The following UBE2W variants were observed in gnomAD, a reference collection of about 807,000 sequenced individuals.
UBE2W encodes the protein ubiquitin conjugating enzyme E2 W, also known as ubiquitin-conjugating enzyme E2 W.
UBE2W carries 18 observed loss-of-function variants against 27.2 expected under a neutral mutation model. That is an observed-to-expected ratio of 0.66 (90% confidence interval 0.46 to 0.98). UBE2W has a LOEUF of 0.98. UBE2W is among the 50% of genes least tolerant of loss of function. UBE2W has a pLI of 0.00. For synonymous variants in UBE2W, 53 were observed against 57.2 expected (o/e 0.93, Z 0.33); for missense variants, 90 against 180.2 (o/e 0.50, Z 2.87).
chr8:73,843,135 G>C (rs1810616480), intron 1 of UBE2W, among the ~76,000 whole-genome samples: 1 of 152,192 alleles, frequency 6.6e-6, no homozygotes, highest in South Asian at 2.1e-4. Context: ...CAAATCTGTA[G>C]AGATGGAAGG....
rs1423398532 is a variant in UBE2W at position 73,793,993 on chromosome 8, T to G, written c.*109A>C. 1 of 1,542,156 alleles carries G rather than the reference T, an allele frequency of 6.5e-7. No homozygotes were observed. The highest frequency in any genetic ancestry group is 8.7e-7 in the Non-Finnish European group (1 of 1,145,738). ...ATGCAGTAAAAGGAAGTAGTCTTCA[T>G]TGCCTATAGGTCACTTCCAGTCAAA... is the stretch of plus-strand genomic sequence containing the variant. On this transcript the variant is annotated 3_prime_UTR_variant, in exon 6 of 6. Coordinates refer to ENST00000602593, the MANE Select transcript of UBE2W (RefSeq NM_018299.6).
At chr8:73,802,126 GT>G (rs1014621140) in intron 5 of UBE2W, among the ~76,000 whole-genome samples, 9 of 152,194 alleles carry the variant, frequency 5.9e-5, no homozygotes, top group Non-Finnish European at 1.3e-4. Flanking sequence ...ATTCTCTGAA[GT>G]TTAATAACTA....
At chr8:73,867,709 C>T (rs374806699) in intron 1 of UBE2W, among the ~76,000 whole-genome samples, 5 of 75,970 alleles carry the variant, frequency 6.6e-5, no homozygotes, top group African/African-American at 2.3e-4. Flanking sequence ...GAGGCTCTGT[C>T]TCAGAAAAAA....
intron 1 of UBE2W, among the ~76,000 whole-genome samples, chr8:73,865,858 A>G (rs1811733183): frequency 6.6e-6 from 1 of 152,192 alleles, no homozygotes; most frequent in Non-Finnish European, 1.5e-5. Flanking sequence ...TATTTAAAGA[A>G]AAGGCAAGGT....
intron 1 of UBE2W, among the ~76,000 whole-genome samples, chr8:73,832,136 A>AATATATAT (rs111764105): frequency 1.9e-4 from 27 of 145,348 alleles, no homozygotes; most frequent in African/African-American, 5.0e-4. Flanking sequence ...AAAATAAATA[A>AATATATAT]ATATATATAT....
intron 5 of UBE2W, among the ~76,000 whole-genome samples, chr8:73,799,187 TAA>T (rs994197917): frequency 6.6e-6 from 1 of 151,992 alleles, no homozygotes; most frequent in African/African-American, 2.4e-5. Flanking sequence ...CTCTAAACAC[TAA>T]TGAGGTGACT....
chr8:73,787,190 C>T lies in UBE2W; in HGVS notation c.*6912G>A, dbSNP rs1437954488. The T allele has an allele frequency of 3.0e-6, 3 of 985,278 alleles. No homozygotes were observed. The highest frequency in any genetic ancestry group is 3.6e-6 in the Non-Finnish European group (3 of 829,928). 61.0% of individuals were successfully genotyped at this position (985,278 alleles called of 1,614,324 possible). ...TAAAAAAATGGTTGAAAGGGGCTCC[C>T]AACAGGACAGATAACCACAGTGGCT... On this transcript the variant is annotated 3_prime_UTR_variant, in exon 6 of 6. Transcript: ENST00000602593.
chr8:73,790,635 A>G lies in UBE2W; in HGVS notation c.*3467T>C, dbSNP rs368121086. The G allele has an allele frequency of 3.0e-6, 3 of 984,662 alleles. No individual in the cohort carries two copies. In the South Asian group the frequency reaches 1.4e-4, roughly 46 times the overall value. 61.0% of individuals were successfully genotyped at this position (984,662 alleles called of 1,614,324 possible). The stretch of plus-strand genomic sequence containing the variant: ...ACTAGTGACACTGAATTCTTTATTT[A>G]AAAAAATTTTTGTAACACACAGTAC... On this transcript the variant is annotated 3_prime_UTR_variant, in exon 6 of 6. Coordinates refer to ENST00000602593, the MANE Select transcript of UBE2W (RefSeq NM_018299.6).
intron 5 of UBE2W, among the ~76,000 whole-genome samples, chr8:73,794,533 AG>A (rs1808333027): frequency 6.6e-6 from 1 of 152,240 alleles, no homozygotes; most frequent in South Asian, 2.1e-4. Context: ...TAGACTGTGA[AG>A]GAAGTAACTG....
intron 1 of UBE2W, among the ~76,000 whole-genome samples, chr8:73,875,996 G>A (rs1812204105): frequency 6.6e-6 from 1 of 152,064 alleles, no homozygotes; most frequent in Non-Finnish European, 1.5e-5. Flanking sequence ...AGGTTGCAGT[G>A]AGCCAAGATG....
chr8:73,861,363 C>CTTAAAATTATTG (rs1811527127), intron 1 of UBE2W, among the ~76,000 whole-genome samples: 1 of 152,106 alleles, frequency 6.6e-6, no homozygotes, highest in Admixed American at 6.6e-5. Flanking sequence ...ATAATAATGA[C>CTTAAAATTATTG]CCCAATGAAG....
downstream of UBE2W, among the ~76,000 whole-genome samples, chr8:73,782,253 GT>G (rs544672484): frequency 8.8e-5 from 13 of 148,412 alleles, no homozygotes; most frequent in South Asian, 6.4e-4. Flanking sequence ...GGCCAATTGT[GT>G]TTTTTTTTTA....
At chr8:73,781,586 A>G (rs924996167), downstream of UBE2W, among the ~76,000 whole-genome samples, 1 of 148,200 alleles carries the variant, frequency 6.7e-6, no homozygotes, top group Non-Finnish European at 1.5e-5. Flanking sequence ...GACTTTCAGC[A>G]TGGATTTTGG....
rs1010397837 is a variant in UBE2W at position 73,786,283 on chromosome 8, G to A, written c.*7819C>T. ...AAACTCTCTGGGATAGAAAGAGCAG[G>A]GTCCTGTTATACATTTTACTCAGGT... On this transcript the variant is annotated 3_prime_UTR_variant, in exon 6 of 6. Transcript: ENST00000602593. 2.0e-6 allele frequency: 2 copies of A among 985,214 alleles called. No homozygotes were observed. The highest frequency in any genetic ancestry group is 9.4e-5 in the South Asian group (2 of 21,286). The allele number at this position is 985,214 out of a possible 1,614,324, so 61.0% of individuals were successfully genotyped here.
intron 1 of UBE2W, among the ~76,000 whole-genome samples, chr8:73,869,733 G>A (rs1373970143): frequency 6.6e-6 from 1 of 151,978 alleles, no homozygotes; most frequent in Non-Finnish European, 1.5e-5. Context: ...GTATGGTGGT[G>A]CATGCCTGTA....
intron 1 of UBE2W, among the ~76,000 whole-genome samples, chr8:73,866,291 AT>A (rs370659584): frequency 0.15 from 6,668 of 44,412 alleles, 212 homozygotes; most frequent in Non-Finnish European, 0.19. Context: ...AAAAAAAAAA[AT>A]ATATATATAT....
At chr8:73,814,031 C>A (rs1809286059) in intron 3 of UBE2W, among the ~76,000 whole-genome samples, 1 of 152,110 alleles carries the variant, frequency 6.6e-6, no homozygotes, top group South Asian at 2.1e-4. Flanking sequence ...CTGCACCCGG[C>A]CCACAGATTG....
chr8:73,806,321 G>C (rs1187927353), intron 4 of UBE2W, among the ~76,000 whole-genome samples: 2 of 152,066 alleles, frequency 1.3e-5, no homozygotes, highest in African/African-American at 4.8e-5. Flanking sequence ...AACCCAGAAG[G>C]TGGAGGTTGC....
intron 2 of UBE2W, among the ~76,000 whole-genome samples, chr8:73,830,027 G>A (rs1810007578): frequency 6.6e-6 from 1 of 151,972 alleles, no homozygotes; most frequent in Non-Finnish European, 1.5e-5. Flanking sequence ...CTCTTCATAT[G>A]CCTAAATAGA....
Sources: allele counts gnomAD v4.1 joint callset (sites outside exome capture counted in the v4.1 genomes callset), GRCh38; gene constraint gnomAD v4.1.1; transcripts MANE v1.5; gene names NCBI Gene and HGNC (gene_info 2026-07-23, HGNC 2026-07-21).